The following ITFG1 variants were observed in gnomAD, a reference collection of about 807,000 sequenced individuals.
The protein encoded by ITFG1 is T-cell immunomodulatory protein.
In ITFG1, 34 loss-of-function variants were observed where a neutral mutation model predicts 81.8. That is an observed-to-expected ratio of 0.42 (90% confidence interval 0.32 to 0.55). ITFG1 has a LOEUF of 0.55. Among genes scored for constraint, ITFG1 ranks in the 20% least tolerant of loss-of-function variants. ITFG1 has a pLI of 0.17. For synonymous variants in ITFG1, 285 were observed against 270.6 expected (o/e 1.05, Z -0.52); for missense variants, 672 against 755.4 (o/e 0.89, Z 1.29).
At chr16:47,223,670 A>T (rs1434348801) in intron 13 of ITFG1, among the ~76,000 whole-genome samples, 1 of 152,138 alleles carries the variant, frequency 6.6e-6, no homozygotes, top group Non-Finnish European at 1.5e-5. Context: ...TTCCTCAGGG[A>T]TCTAGAACTA....
intron 8 of ITFG1, among the ~76,000 whole-genome samples, chr16:47,337,149 A>AG (rs1436385858): frequency 6.6e-6 from 1 of 151,210 alleles, no homozygotes; most frequent in East Asian, 1.9e-4. Flanking sequence ...AAAAAAAAAA[A>AG]AAAAGAAAAA....
chr16:47,162,287 C>A (rs1964819464), intron 15 of ITFG1, among the ~76,000 whole-genome samples: 1 of 151,712 alleles, frequency 6.6e-6, no homozygotes, highest in African/African-American at 2.4e-5. Context: ...GATGAAAAAG[C>A]AGGATAGAGG....
At chr16:47,417,541 T>C (rs1481976102) in intron 6 of ITFG1, among the ~76,000 whole-genome samples, 1 of 152,188 alleles carries the variant, frequency 6.6e-6, no homozygotes, top group Non-Finnish European at 1.5e-5. Flanking sequence ...TCTTTTTTCA[T>C]CTCCCACTCT....
chr16:47,447,024 A>G (rs1969333094), intron 5 of ITFG1, among the ~76,000 whole-genome samples: 1 of 151,826 alleles, frequency 6.6e-6, no homozygotes, highest in Non-Finnish European at 1.5e-5. Flanking sequence ...ATCATGCTCG[A>G]TTAATTTTTT....
rs531144707 is a variant in ITFG1, at chr16:47,420,634, C to A, written c.655+8170G>T. 3.3e-5 allele frequency among the ~76,000 whole-genome samples: 5 copies of A among 152,272 alleles called. No homozygotes were observed. In the South Asian group the frequency reaches 1.0e-3, roughly 32 times the overall value. On this transcript the variant is annotated intron_variant, in intron 6 of 17. Coordinates refer to ENST00000320640, the MANE Select transcript of ITFG1 (RefSeq NM_030790.5). ...ATTTCCATAAAAATATCCTCGAGAT[C>A]CTGCTGTTAAAAAGAGACTGGTACT...
At chr16:47,403,828 T>C (rs571918791) in intron 6 of ITFG1, among the ~76,000 whole-genome samples, 272 of 146,084 alleles carry the variant, frequency 1.9e-3, no homozygotes, top group Middle Eastern at 0.018. Flanking sequence ...ACAGAAACGC[T>C]TACTCTAGGT....
At chr16:47,408,771 C>T (rs866053334) in intron 6 of ITFG1, among the ~76,000 whole-genome samples, 1 of 152,130 alleles carries the variant, frequency 6.6e-6, no homozygotes, top group African/African-American at 2.4e-5. Context: ...GGACAGTGAT[C>T]CCAGTCAGCC....
chr16:47,444,467 T>C (rs1002586338), intron 5 of ITFG1, among the ~76,000 whole-genome samples: 1 of 152,116 alleles, frequency 6.6e-6, no homozygotes, highest in Non-Finnish European at 1.5e-5. Flanking sequence ...TTATTAAACA[T>C]GACAAACTTT....
intron 1 of ITFG1, among the ~76,000 whole-genome samples, chr16:47,460,069 G>GT (rs1567264392): frequency 6.6e-6 from 1 of 152,198 alleles, no homozygotes; most frequent in African/African-American, 2.4e-5. Context: ...AAAAAAGTTA[G>GT]TTTAACGATT....
Position 47,258,678 on chromosome 16 carries a change from T to A in ITFG1, c.1284A>T (p.Thr428=). 1.9e-6 allele frequency: 3 copies of A among 1,552,460 alleles called. No homozygotes were observed. The highest frequency in any genetic ancestry group is 2.6e-6 in the Non-Finnish European group (3 of 1,136,870). The change falls in exon 12 of 18, where the codon ACA becomes ACT. Residue 428 remains threonine, a synonymous_variant. Coordinates refer to ENST00000320640, the MANE Select transcript of ITFG1 (RefSeq NM_030790.5). The part of the protein sequence containing the change: ...GYTKNDFAIH[T]LKNNFEADAY... Reference sequence around the variant, plus strand: ...CATCTGCTTCAAAGTTATTTTTTAGTGTATGAATGGCAAAATCATTCTTTG... The same window carrying A: ...CATCTGCTTCAAAGTTATTTTTTAGAGTATGAATGGCAAAATCATTCTTTG...
chr16:47,427,002 G>A (rs1410708413), intron 6 of ITFG1, among the ~76,000 whole-genome samples: 1 of 152,108 alleles, frequency 6.6e-6, no homozygotes, highest in Non-Finnish European at 1.5e-5. Flanking sequence ...GGGCGGAGGT[G>A]GGGAAATCAA....
Position 47,352,381 on chromosome 16 carries a change from A to G in ITFG1, c.802+13407T>C, listed in dbSNP as rs547891494. On this transcript the variant is annotated intron_variant, in intron 8 of 17. Coordinates refer to ENST00000320640, the MANE Select transcript of ITFG1 (RefSeq NM_030790.5). The stretch of plus-strand genomic sequence containing the variant: ...TTACAAGGAAAAAACAAACAACCCC[A>G]TCAAAAAGTGGGCGAAGGATATGAA... 3.9e-5 allele frequency among the ~76,000 whole-genome samples: 6 copies of G among 152,362 alleles called. No homozygotes were observed. The East Asian group carries it at 1.2e-3, about 29-fold the overall frequency.
At position 47,274,738 on chromosome 16, in the gene ITFG1, T is replaced by C. The variant is rs552446824; in HGVS notation, c.1071-14043A>G. On this transcript the variant is annotated intron_variant, in intron 10 of 17. Coordinates refer to ENST00000320640, the MANE Select transcript of ITFG1 (RefSeq NM_030790.5). ...AAACTCTCACTTCTATATATCCTTA[T>C]ATAGACGTAACAGCTTGTTACGTCT... Among the ~76,000 whole-genome samples the C allele has an allele frequency of 8.5e-5, 13 of 152,112 alleles. No individual in the cohort carries two copies. In the South Asian group the frequency reaches 2.7e-3, roughly 32 times the overall value.
At chr16:47,451,043 A>G (rs1042731319) in intron 5 of ITFG1, among the ~76,000 whole-genome samples, 4 of 152,234 alleles carry the variant, frequency 2.6e-5, no homozygotes, top group Admixed American at 2.0e-4. Flanking sequence ...ATTAAAGTCT[A>G]GCAGCTAACA....
intron 14 of ITFG1, among the ~76,000 whole-genome samples, chr16:47,180,439 G>A (rs1965093210): frequency 6.6e-6 from 1 of 151,530 alleles, no homozygotes; most frequent in Non-Finnish European, 1.5e-5. Flanking sequence ...CCGAGCCAAA[G>A]CTGGACTGTA....
In ITFG1 at chr16:47,172,072, A is replaced by AGC. The variant is rs1326857144; in HGVS notation, c.1454-9409_1454-9408insGC. On this transcript the variant is annotated intron_variant, in intron 14 of 17. Transcript: ENST00000320640. ...ACTTAGGTTAGTCCCCAACACTCCCAAATGTATAATTCCAGCATAGACTGC... is the reference window on the plus strand; with the variant it reads ...ACTTAGGTTAGTCCCCAACACTCCCAGCAATGTATAATTCCAGCATAGACTGC... Among the ~76,000 whole-genome samples the AGC allele has an allele frequency of 6.8e-4, 103 of 152,330 alleles. 1 individual carries two copies. The highest frequency in any genetic ancestry group is 2.4e-3 in the African/African-American group (98 of 41,580).
At chr16:47,330,679 T>C (rs1316451816) in intron 8 of ITFG1, among the ~76,000 whole-genome samples, 1 of 152,118 alleles carries the variant, frequency 6.6e-6, no homozygotes, top group Non-Finnish European at 1.5e-5. Context: ...GAACAGATAC[T>C]TCTCAAAAGA....
intron 12 of ITFG1, among the ~76,000 whole-genome samples, chr16:47,244,314 A>G (rs892450372): frequency 4.0e-4 from 61 of 152,294 alleles, no homozygotes; most frequent in African/African-American, 1.4e-3. Flanking sequence ...TCAGAAGTAC[A>G]GGTCCTGACC....
intron 6 of ITFG1, among the ~76,000 whole-genome samples, chr16:47,391,120 G>C (rs895208205): frequency 4.6e-5 from 7 of 152,012 alleles, no homozygotes; most frequent in African/African-American, 1.7e-4. Flanking sequence ...GGTGCACGGA[G>C]AACCCACAAG....
Sources: allele counts gnomAD v4.1 joint callset (sites outside exome capture counted in the v4.1 genomes callset), GRCh38; gene constraint gnomAD v4.1.1; transcripts MANE v1.5; gene names NCBI Gene and HGNC (gene_info 2026-07-23, HGNC 2026-07-21).